MEI4: variants seen among roughly 807,000 people sequenced by gnomAD.
The protein encoded by MEI4 is meiosis-specific protein MEI4.
In MEI4, 27 loss-of-function variants were observed where a neutral mutation model predicts 31.4. The observed-to-expected ratio is 0.86, with a 90% confidence interval of 0.63 to 1.19. The LOEUF (loss-of-function observed/expected upper bound fraction) is 1.19. Ranked by LOEUF, MEI4 falls within the 50% of genes most tolerant of loss-of-function variation. The pLI is 0.00. For missense variants in MEI4, 329 were observed against 398.9 expected (o/e 0.82, Z 1.49); for synonymous variants, 122 against 145.4 (o/e 0.84, Z 1.16).
At chr6:77,865,807 G>A (rs571969665) in intron 4 of MEI4, among the ~76,000 whole-genome samples, 2 of 152,298 alleles carry the variant, frequency 1.3e-5, no homozygotes, top group Non-Finnish European at 2.9e-5. Flanking sequence ...TACCCCTGAT[G>A]AACATTGATG....
At chr6:77,770,050 T>G (rs1249014991) in intron 3 of MEI4, among the ~76,000 whole-genome samples, 2 of 151,656 alleles carry the variant, frequency 1.3e-5, no homozygotes, top group African/African-American at 2.4e-5. Flanking sequence ...AGAGAGCACC[T>G]GGGATAAACA....
chr6:77,849,659 C>T (rs970494519), intron 4 of MEI4, among the ~76,000 whole-genome samples: 5 of 151,990 alleles, frequency 3.3e-5, no homozygotes, highest in Non-Finnish European at 7.4e-5. Flanking sequence ...TGAAGAAAAA[C>T]CGATTCTTTC....
chr6:77,764,996 C>CA (rs1259408480), intron 3 of MEI4, among the ~76,000 whole-genome samples: 1 of 152,080 alleles, frequency 6.6e-6, no homozygotes, highest in African/African-American at 2.4e-5. Context: ...ATGTCTACAT[C>CA]AAAAAATAAG....
chr6:77,782,379 G>A (rs1293338561), intron 3 of MEI4, among the ~76,000 whole-genome samples: 1 of 152,214 alleles, frequency 6.6e-6, no homozygotes, highest in Non-Finnish European at 1.5e-5. Flanking sequence ...AGCTTTTAAA[G>A]TGACTTTATT....
chr6:77,685,993 A>G (rs2127650913), intron 1 of MEI4, among the ~76,000 whole-genome samples: 1 of 152,252 alleles, frequency 6.6e-6, no homozygotes, highest in South Asian at 2.1e-4. Flanking sequence ...TTTCTCAGGA[A>G]TGCCTTGGGG....
intron 3 of MEI4, among the ~76,000 whole-genome samples, chr6:77,813,244 AG>A (rs1422664015): frequency 6.6e-6 from 1 of 152,144 alleles, no homozygotes; most frequent in Non-Finnish European, 1.5e-5. Context: ...TTTATTGCTT[AG>A]TAGTTTGTTT....
intron 2 of MEI4, among the ~76,000 whole-genome samples, chr6:77,699,211 A>C (rs1485472314): frequency 9.0e-6 from 1 of 110,640 alleles, no homozygotes. Flanking sequence ...TTTTTTTGAG[A>C]CGGAGTCTCG....
At chr6:77,749,973 T>C (rs1292068447) in intron 2 of MEI4, among the ~76,000 whole-genome samples, 1 of 152,176 alleles carries the variant, frequency 6.6e-6, no homozygotes, top group African/African-American at 2.4e-5. Flanking sequence ...TTCAACATTC[T>C]TAAAGAAAAG....
chr6:77,923,222 A>C lies in MEI4; in HGVS notation c.1034A>C (p.Lys345Thr), dbSNP rs1766752404. 1 of 1,230,456 alleles carries C rather than the reference A, an allele frequency of 8.1e-7. No homozygotes were observed. Among genetic ancestry groups the C allele is most frequent in the Non-Finnish European group, 1.0e-6 (1 of 986,956 alleles). 76.2% of individuals were successfully genotyped at this position (1,230,456 alleles called of 1,614,324 possible). A position where few individuals can be genotyped will look rare whatever the true frequency, so the allele number is the denominator to read the frequency against. The change falls in exon 5 of 5, where the codon AAA becomes ACA. Residue 345 changes from lysine (K) to threonine (T), a missense_variant. Transcript: ENST00000684080. ...GGTCATGATGACCAAGAAATCAAGA[A>C]ATTTCTTCAGAAGCATGATGAAACT... is the stretch of plus-strand genomic sequence containing the variant. ...SIGHDDQEIK[K>T]FLQKHDETIF...
chr6:77,697,630 G>C lies in MEI4; in HGVS notation c.232+6727G>C, dbSNP rs191676571. ...AGTTTGATTGCACTGTGGTCTGAAA[G>C]ACAGTTTGTTATAATTTCTGATCTT... On this transcript the variant is annotated intron_variant, in intron 2 of 4. Coordinates refer to ENST00000684080, the MANE Select transcript of MEI4 (RefSeq NM_001322247.2). Among the ~76,000 whole-genome samples the C allele has an allele frequency of 3.4e-3, 517 of 152,214 alleles. 3 individuals carry two copies. Among genetic ancestry groups the C allele is most frequent in the African/African-American group, 0.012 (503 of 41,544 alleles).
chr6:77,915,412 T>A (rs1468895579), intron 4 of MEI4, among the ~76,000 whole-genome samples: 1 of 152,106 alleles, frequency 6.6e-6, no homozygotes, highest in Non-Finnish European at 1.5e-5. Flanking sequence ...TATGTTATTC[T>A]TGACTGGCAG....
chr6:77,776,735 T>G (rs1561984134), intron 3 of MEI4, among the ~76,000 whole-genome samples: 1 of 152,126 alleles, frequency 6.6e-6, no homozygotes, highest in Non-Finnish European at 1.5e-5. Context: ...TATGAGTCAG[T>G]GCATTTTGAT....
chr6:77,870,159 G>A (rs1267196682), intron 4 of MEI4, among the ~76,000 whole-genome samples: 1 of 152,202 alleles, frequency 6.6e-6, no homozygotes, highest in Non-Finnish European at 1.5e-5. Context: ...TGATACCCAT[G>A]CAATAGAAAA....
rs551050764 is a variant in MEI4 at position 77,702,948 on chromosome 6, G to C, written c.232+12045G>C. Among the ~76,000 whole-genome samples the C allele has an allele frequency of 2.3e-4, 35 of 152,182 alleles. No homozygotes were observed. The South Asian group carries it at 6.8e-3, about 30-fold the overall frequency. Reference sequence around the variant, plus strand: ...GTCATGCAGTTTCGATACCACTTTTGTCTTCACTAACTACCTCCCTAGACT... The same window carrying C: ...GTCATGCAGTTTCGATACCACTTTTCTCTTCACTAACTACCTCCCTAGACT... On this transcript the variant is annotated intron_variant, in intron 2 of 4. Coordinates refer to ENST00000684080, the MANE Select transcript of MEI4 (RefSeq NM_001322247.2).
At chr6:77,790,783 G>A (rs1768902100) in intron 3 of MEI4, among the ~76,000 whole-genome samples, 1 of 152,016 alleles carries the variant, frequency 6.6e-6, no homozygotes, top group African/African-American at 2.4e-5. Flanking sequence ...GTATCTAATA[G>A]AACATGGCGT....
chr6:77,844,591 C>T (rs2127716014), intron 4 of MEI4, among the ~76,000 whole-genome samples: 1 of 152,100 alleles, frequency 6.6e-6, no homozygotes, highest in East Asian at 1.9e-4. Context: ...GAGGGTAATA[C>T]AAAACATTAA....
At chr6:77,746,634 AT>A (rs781569135) in intron 2 of MEI4, among the ~76,000 whole-genome samples, 3 of 120,176 alleles carry the variant, frequency 2.5e-5, no homozygotes, top group Non-Finnish European at 5.0e-5. Context: ...CTTAAAATAT[AT>A]GGCGTGTGTG....
chr6:77,843,821 T>C (rs1054566945), intron 4 of MEI4, among the ~76,000 whole-genome samples: 2 of 152,106 alleles, frequency 1.3e-5, no homozygotes, highest in Non-Finnish European at 2.9e-5. Context: ...AATTTACTCA[T>C]GATATGATCA....
Position 77,691,378 on chromosome 6 carries a change from A to G in MEI4, c.232+475A>G, listed in dbSNP as rs1445579084. On this transcript the variant is annotated intron_variant, in intron 2 of 4. Transcript: ENST00000684080. ...AATTAACCTAGTTGTGATACATACT[A>G]TAATAGAGACTGACAAAATACAGAG... Among the ~76,000 whole-genome samples the G allele has an allele frequency of 1.3e-5, 2 of 152,020 alleles. 1 individual carries two copies. Among genetic ancestry groups the G allele is most frequent in the South Asian group, 4.1e-4 (2 of 4,834 alleles).
Sources: gnomAD v4.1 joint callset for allele counts (sites outside exome capture counted in the v4.1 genomes callset) on GRCh38, gnomAD v4.1.1 for gene constraint, MANE v1.5 for transcripts, NCBI Gene and HGNC (gene_info 2026-07-23, HGNC 2026-07-21) for gene names.